The following CERS3 variants were observed in gnomAD, a reference collection of about 807,000 sequenced individuals.
CERS3 encodes LAG1 homolog, ceramide synthase 3.
CERS3 carries 33 observed loss-of-function variants against 50.3 expected under a neutral mutation model. The ratio of observed to expected loss-of-function variants is 0.66; its 90% CI spans 0.50 to 0.88. CERS3 has a LOEUF of 0.88. Among genes scored for constraint, CERS3 ranks in the 40% least tolerant of loss-of-function variants. The pLI is 0.00. For synonymous variants in CERS3, 176 were observed against 155.2 expected, an observed-to-expected ratio of 1.13 and a Z score of -0.99; for missense variants, 470 against 460.3, an observed-to-expected ratio of 1.02 and a Z score of -0.19.
In CERS3 at chr15:100,445,867, G is replaced by T. The variant is rs557049901; in HGVS notation, c.999+10026C>A. The stretch of plus-strand genomic sequence containing the variant: ...TGACCTGCACATACACATCCAGATG[G>T]CCTGTTCCTGCCGTAACTGATGACA... On this transcript the variant is annotated intron_variant, in intron 11 of 11. Coordinates refer to ENST00000679737, the MANE Select transcript of CERS3 (RefSeq NM_001378789.1). Among the ~76,000 whole-genome samples the T allele has an allele frequency of 2.0e-5, 3 of 152,174 alleles. No homozygotes were observed. In the East Asian group the frequency reaches 5.8e-4, roughly 29 times the overall value.
At chr15:100,417,721 C>T (rs1464860780) in intron 11 of CERS3, among the ~76,000 whole-genome samples, 1 of 151,964 alleles carries the variant, frequency 6.6e-6, no homozygotes, top group East Asian at 1.9e-4. Context: ...TCCCAGCACG[C>T]AGCTGGAGAT....
At chr15:100,492,568 C>T (rs1048745130) in intron 3 of CERS3, among the ~76,000 whole-genome samples, 14 of 152,152 alleles carry the variant, frequency 9.2e-5, no homozygotes, top group African/African-American at 3.4e-4. Flanking sequence ...CTTTTTCCAT[C>T]CTTTTACATT....
chr15:100,424,059 A>G (rs1298986657), intron 11 of CERS3, among the ~76,000 whole-genome samples: 1 of 151,202 alleles, frequency 6.6e-6, no homozygotes, highest in Admixed American at 6.6e-5. Flanking sequence ...CTCCTGCCTC[A>G]GCCTCTCAGG....
Position 100,472,946 on chromosome 15 carries a change from T to A in CERS3, c.716A>T (p.Asp239Val), listed in dbSNP as rs371641623. 47 of 1,613,922 alleles carry A rather than the reference T, an allele frequency of 2.9e-5. No homozygotes were observed. The highest frequency in any genetic ancestry group is 3.8e-5 in the Non-Finnish European group (45 of 1,179,928). ...RSGTLVMIVH[D>V]VADIWLESAK... ...TACCTCCAGCCAAATGTCAGCCACA[T>A]CGTGTACAATCATCACGAGGGTCCC... is the stretch of plus-strand genomic sequence containing the variant. The change falls in exon 9 of 12, where the codon GAT (aspartate) becomes GTT (valine). Residue 239 changes from aspartate (D) to valine (V), a missense_variant. By Grantham distance (152) the Asp-to-Val change is radical (BLOSUM62 -3). Coordinates refer to ENST00000679737, the MANE Select transcript of CERS3 (RefSeq NM_001378789.1).
chr15:100,518,384 G>A (rs187364425), intron 2 of CERS3, among the ~76,000 whole-genome samples: 5 of 152,214 alleles, frequency 3.3e-5, no homozygotes, highest in African/African-American at 1.2e-4. Context: ...GATATCTGCG[G>A]TGCCTGGAAC....
Position 100,469,453 on chromosome 15 carries a change from G to A in CERS3, c.770C>T (p.Thr257Met), listed in dbSNP as rs756608778. 4.1e-5 allele frequency: 66 copies of A among 1,613,820 alleles called. 1 individual carries two copies. Among genetic ancestry groups the A allele is most frequent in the Middle Eastern group, 3.3e-4 (2 of 6,078 alleles). ...SAKMFSYAGWTQTCNTLFFIF... is the reference protein window; with the variant it reads ...SAKMFSYAGWMQTCNTLFFIF... ...GAAAAACAGGGTGTTACAGGTCTGC[G>A]TCCATCCAGCATAAGAAAACATCTT... is the stretch of plus-strand genomic sequence containing the variant. Residue 257 changes from threonine (T) to methionine (M), a missense_variant, in exon 10 of 12, where the codon ACG becomes ATG. Thr to Met is a moderately conservative substitution (Grantham distance 81). Coordinates refer to ENST00000679737, the MANE Select transcript of CERS3 (RefSeq NM_001378789.1).
chr15:100,518,344 A>G (rs1320901686), intron 2 of CERS3, among the ~76,000 whole-genome samples: 1 of 152,034 alleles, frequency 6.6e-6, no homozygotes, highest in African/African-American at 2.4e-5. Flanking sequence ...AGAGAGAAGG[A>G]CAGAGAGAGA....
In CERS3 at chr15:100,467,767, C is replaced by CTATA. The variant is rs557265765; in HGVS notation, c.845+1610_845+1611insTATA. 1.2e-3 allele frequency among the ~76,000 whole-genome samples: 131 copies of CTATA among 105,088 alleles called. 2 individuals carry two copies. The highest frequency in any genetic ancestry group is 3.6e-3 in the African/African-American group (112 of 31,420). 68.9% of individuals were successfully genotyped at this position (105,088 alleles called of 152,430 possible). On this transcript the variant is annotated intron_variant, in intron 10 of 11. Coordinates refer to ENST00000679737, the MANE Select transcript of CERS3 (RefSeq NM_001378789.1). ...TCATTCTCTCTCTCTCTCTCTCTCTCTCTATATATATATACACACATATAT... is the reference window on the plus strand; with the variant it reads ...TCATTCTCTCTCTCTCTCTCTCTCTCTATATCTATATATATATACACACATATAT...
At chr15:100,476,291 A>G in intron 7 of CERS3, 113 bp from the exon 8 acceptor site, 1 of 532,018 alleles carries the variant, frequency 1.9e-6, no homozygotes, top group Non-Finnish European at 3.3e-6. Context: ...TCCATAAAAT[A>G]ACATTGACTG....
chr15:100,502,251 G>GAAAAAAAAAAAAAAAAAA (rs58654483), intron 2 of CERS3, among the ~76,000 whole-genome samples: 1 of 113,698 alleles, frequency 8.8e-6, no homozygotes, highest in Non-Finnish European at 1.7e-5. Flanking sequence ...CTCAAAAAAA[G>GAAAAAAAAAAAAAAAAAA]AAAAAAAAAA....
chr15:100,465,555 C>G (rs1351564361), intron 10 of CERS3, among the ~76,000 whole-genome samples: 3 of 152,174 alleles, frequency 2.0e-5, no homozygotes, highest in South Asian at 2.1e-4. Context: ...TGCCAAACTT[C>G]CAATGGCTTG....
chr15:100,469,463 C>A lies in CERS3; in HGVS notation c.760G>T (p.Ala254Ser), dbSNP rs1163105878. Reference protein sequence around the residue: ...WLESAKMFSYAGWTQTCNTLF... With the variant: ...WLESAKMFSYSGWTQTCNTLF... ...GTGTTACAGGTCTGCGTCCATCCAG[C>A]ATAAGAAAACATCTTAGCAGACTGC... Residue 254 changes from alanine (A) to serine (S), a missense_variant, in exon 10 of 12, where the codon GCT (alanine) becomes TCT (serine). By Grantham distance (99) the Ala-to-Ser change is moderately conservative. Coordinates refer to ENST00000679737, the MANE Select transcript of CERS3 (RefSeq NM_001378789.1). 1 of 1,613,576 alleles carries A rather than the reference C, an allele frequency of 6.2e-7. No homozygotes were observed. Among genetic ancestry groups the A allele is most frequent in the South Asian group, 1.1e-5 (1 of 91,044 alleles).
chr15:100,404,262 C>G (rs940035409), intron 11 of CERS3, among the ~76,000 whole-genome samples: 2 of 152,168 alleles, frequency 1.3e-5, no homozygotes, highest in Admixed American at 6.5e-5. Flanking sequence ...TTATTTTGAG[C>G]ACCAAATTTG....
At position 100,541,160 on chromosome 15, in the gene CERS3, TGG is replaced by T. The variant is rs142583376; in HGVS notation, c.-355+3489_-355+3490del. The stretch of plus-strand genomic sequence containing the variant: ...GAGCTACGTGGCAAGCAGCAAATGC[TGG>T]GGTCCAGTATCTTGGAAGGCACTTA... On this transcript the variant is annotated intron_variant, in intron 1 of 12. Coordinates refer to the CERS3 transcript ENST00000284382. 3.2e-3 allele frequency among the ~76,000 whole-genome samples: 480 copies of T among 152,262 alleles called. 7 individuals carry two copies. Among genetic ancestry groups the T allele is most frequent in the African/African-American group, 0.011 (445 of 41,540 alleles).
intron 11 of CERS3, among the ~76,000 whole-genome samples, chr15:100,417,813 A>T (rs1004054345): frequency 6.6e-6 from 1 of 151,820 alleles, no homozygotes; most frequent in African/African-American, 2.4e-5. Flanking sequence ...ACCCCCCAGC[A>T]AGGGCACACT....
intron 1 of CERS3, among the ~76,000 whole-genome samples, 165 bp from the exon 2 acceptor site, chr15:100,521,921 C>T (rs775904031): frequency 6.6e-6 from 1 of 152,104 alleles, no homozygotes; most frequent in Non-Finnish European, 1.5e-5. Context: ...GTGCATGGGG[C>T]TTTAAAACAA....
chr15:100,526,873 G>T (rs1365413254), intron 1 of CERS3, among the ~76,000 whole-genome samples: 1 of 152,072 alleles, frequency 6.6e-6, no homozygotes, highest in Non-Finnish European at 1.5e-5. Flanking sequence ...TTTACCAAGG[G>T]CCTACCCTCT....
chr15:100,431,836 T>C (rs1332104446), intron 11 of CERS3, among the ~76,000 whole-genome samples: 2 of 152,222 alleles, frequency 1.3e-5, no homozygotes, highest in African/African-American at 4.8e-5. Flanking sequence ...TCTAGTTAGC[T>C]GTAGTCAACA....
chr15:100,476,005 A>G (rs2035115812), intron 8 of CERS3, 81 bp downstream of exon 8: 4 of 866,494 alleles, frequency 4.6e-6, no homozygotes, highest in Non-Finnish European at 7.0e-6. Context: ...GAAAAATACA[A>G]CTTAAAGATT....
Sources: allele counts gnomAD v4.1 joint callset (sites outside exome capture counted in the v4.1 genomes callset), GRCh38; gene constraint gnomAD v4.1.1; transcripts MANE v1.5; gene names NCBI Gene and HGNC (gene_info 2026-07-23, HGNC 2026-07-21).